Variants in PPP1R12B observed in about 807,000 individuals in gnomAD.
The protein encoded by PPP1R12B is myosin phosphatase target subunit 2.
A neutral mutation model predicts 126.1 loss-of-function variants in PPP1R12B; 76 were observed. The observed-to-expected ratio is 0.60, with a 90% CI of 0.50 to 0.73. The LOEUF (loss-of-function observed/expected upper bound fraction) is 0.73. PPP1R12B is among the 30% of genes least tolerant of loss of function. PPP1R12B has a pLI of 0.00. For missense variants in PPP1R12B, 1,052 were observed against 1,205.1 expected (o/e 0.87, Z 1.88); for synonymous variants, 356 against 434.7 (o/e 0.82, Z 2.25).
chr1:202,587,735 C>G lies in PPP1R12B; in HGVS notation c.*7175C>G, dbSNP rs1300404633. On this transcript the variant is annotated 3_prime_UTR_variant, in exon 24 of 24. Coordinates refer to ENST00000608999, the MANE Select transcript of PPP1R12B (RefSeq NM_002481.4). ...TTCCTGAATAAGGGACATGCAAGGG[C>G]CAGAAGTAGCTTGACTCTCGCCTAA... 3 of 152,118 alleles carry G rather than the reference C, an allele frequency of 2.0e-5. No homozygotes were observed. Among genetic ancestry groups the G allele is most frequent in the African/African-American group, 7.2e-5 (3 of 41,416 alleles). 9.4% of individuals were successfully genotyped at this position (152,118 alleles called of 1,614,324 possible).
At chr1:202,412,633 C>G (rs1667547839) in intron 1 of PPP1R12B, among the ~76,000 whole-genome samples, 1 of 152,048 alleles carries the variant, frequency 6.6e-6, no homozygotes, top group Admixed American at 6.6e-5. Context: ...AGCAATTGAC[C>G]CAGCTGTCCT....
chr1:202,358,340 A>T (rs985483034), intron 1 of PPP1R12B, among the ~76,000 whole-genome samples: 1 of 152,190 alleles, frequency 6.6e-6, no homozygotes, highest in African/African-American at 2.4e-5. Flanking sequence ...TTAAAGTTTT[A>T]TCAGGCATGC....
chr1:202,498,123 C>G (rs1300964907), intron 18 of PPP1R12B, among the ~76,000 whole-genome samples: 1 of 152,156 alleles, frequency 6.6e-6, no homozygotes, highest in Non-Finnish European at 1.5e-5. Flanking sequence ...CTGGAAAATC[C>G]TAGCCTAGAG....
intron 1 of PPP1R12B, among the ~76,000 whole-genome samples, chr1:202,360,978 C>T (rs973680220): frequency 6.6e-6 from 1 of 151,588 alleles, no homozygotes; most frequent in African/African-American, 2.4e-5. Flanking sequence ...GCAAGCTCCA[C>T]CTTCTGGGTT....
intron 1 of PPP1R12B, 69 bp from the exon 2 acceptor site, chr1:202,416,718 A>G (rs903433733): frequency 1.4e-5 from 20 of 1,415,114 alleles, no homozygotes; most frequent in Middle Eastern, 1.8e-4. Flanking sequence ...CAGTGCCCAG[A>G]GCAGTGTCTG....
chr1:202,488,702 T>C, intron 14 of PPP1R12B, 79 bp downstream of exon 14: 2 of 1,242,848 alleles, frequency 1.6e-6, no homozygotes. Flanking sequence ...CACTGCAATA[T>C]CCATGTTCAA....
intron 1 of PPP1R12B, among the ~76,000 whole-genome samples, chr1:202,377,240 G>T (rs759429500): frequency 2.0e-5 from 3 of 152,128 alleles, no homozygotes; most frequent in Non-Finnish European, 2.9e-5. Context: ...CATGGTTCCT[G>T]GCAGGTTGGG....
intron 23 of PPP1R12B, among the ~76,000 whole-genome samples, chr1:202,578,831 C>T (rs1201513675): frequency 2.6e-5 from 4 of 152,208 alleles, no homozygotes; most frequent in African/African-American, 4.8e-5. Flanking sequence ...GGCGAGTGAT[C>T]TGCCTAAAGT....
chr1:202,441,826 G>C (rs569201253), intron 11 of PPP1R12B, among the ~76,000 whole-genome samples: 93 of 151,038 alleles, frequency 6.2e-4, no homozygotes, highest in African/African-American at 2.1e-3. Flanking sequence ...TAAAAGCCAC[G>C]TGCTACTAAG....
At chr1:202,361,602 G>A (rs1658228362) in intron 1 of PPP1R12B, among the ~76,000 whole-genome samples, 1 of 152,144 alleles carries the variant, frequency 6.6e-6, no homozygotes, top group South Asian at 2.1e-4. Context: ...GAAATTTGGA[G>A]GGCACAAATA....
At chr1:202,401,215 G>T (rs1433814070) in intron 1 of PPP1R12B, among the ~76,000 whole-genome samples, 1 of 151,498 alleles carries the variant, frequency 6.6e-6, no homozygotes, top group African/African-American at 2.4e-5. Context: ...TTAGAGACAG[G>T]GTCAGGCTCT....
chr1:202,543,695 C>T (rs1286124914), intron 18 of PPP1R12B, among the ~76,000 whole-genome samples: 1 of 152,172 alleles, frequency 6.6e-6, no homozygotes, highest in Non-Finnish European at 1.5e-5. Context: ...CAAGATTGCA[C>T]CATTGCACTC....
chr1:202,504,128 C>CCTAAA (rs1558309792), intron 18 of PPP1R12B, among the ~76,000 whole-genome samples: 1 of 152,192 alleles, frequency 6.6e-6, no homozygotes, highest in Admixed American at 6.5e-5. Flanking sequence ...GCCGTAGTGG[C>CCTAAA]TCACGCGTGT....
chr1:202,528,479 A>G (rs1170209425), intron 18 of PPP1R12B, among the ~76,000 whole-genome samples: 1 of 152,240 alleles, frequency 6.6e-6, no homozygotes, highest in Non-Finnish European at 1.5e-5. Context: ...CCTGTTTGCC[A>G]CAAACATTGC....
chr1:202,391,526 T>C (rs1664165296), intron 1 of PPP1R12B, among the ~76,000 whole-genome samples: 1 of 152,140 alleles, frequency 6.6e-6, no homozygotes, highest in Admixed American at 6.5e-5. Context: ...TCTACTCCCA[T>C]AAATGAAAAC....
In PPP1R12B at chr1:202,388,137, G is replaced by GA. The variant is rs556635567; in HGVS notation, c.292-28644dup. Among the ~76,000 whole-genome samples the GA allele has an allele frequency of 4.3e-4, 65 of 149,896 alleles. 1 individual carries two copies. Among genetic ancestry groups the GA allele is most frequent in the African/African-American group, 8.1e-4 (33 of 40,964 alleles). On this transcript the variant is annotated intron_variant, in intron 1 of 23. Transcript: ENST00000608999. The stretch of plus-strand genomic sequence containing the variant: ...GAAGCAGCAAAAAAAAAAAAAAAGA[G>GA]AAAAAATCACAAAATCCTTAGGAAT...
At chr1:202,540,286 G>A (rs1380780732) in intron 18 of PPP1R12B, 1 of 1,447,104 alleles carries the variant, frequency 6.9e-7, no homozygotes. Flanking sequence ...CTGTGTCAAA[G>A]GTAGAGAATG....
At chr1:202,519,301 G>A (rs1000568177) in intron 18 of PPP1R12B, among the ~76,000 whole-genome samples, 1 of 151,800 alleles carries the variant, frequency 6.6e-6, no homozygotes, top group Non-Finnish European at 1.5e-5. Flanking sequence ...GTCTCACTCT[G>A]TCACCCGGGC....
In PPP1R12B at chr1:202,493,222, C is replaced by T; in HGVS notation, c.2050C>T (p.Leu684Phe). ...TGAGAAGCCCACAGACACTGAAGGG[C>T]TTGAGGGGAGCCCTGAGAAGCATGA... ...PREKPTDTEG[L>F]EGSPEKHEPS... Residue 684 changes from leucine to phenylalanine, a missense_variant, in exon 15 of 24, where the codon CTT (leucine) becomes TTT (phenylalanine). Physicochemically the swap from Leu to Phe is conservative, Grantham distance 22. Transcript: ENST00000608999. 1 of 1,612,994 alleles carries T rather than the reference C, an allele frequency of 6.2e-7. No individual in the cohort carries two copies. The highest frequency in any genetic ancestry group is 8.5e-7 in the Non-Finnish European group (1 of 1,179,872).
Sources: allele counts gnomAD v4.1 joint callset (sites outside exome capture counted in the v4.1 genomes callset), GRCh38; gene constraint gnomAD v4.1.1; transcripts MANE v1.5; gene names NCBI Gene and HGNC (gene_info 2026-07-23, HGNC 2026-07-21).